The following LOC400499 variants were observed in gnomAD, a reference collection of about 807,000 sequenced individuals.
chr16:11,462,090 G>C, the LOC400499 span: 26 of 1,454,294 alleles, frequency 1.8e-5, no homozygotes, highest in Admixed American at 2.4e-5. Flanking sequence ...ACAGAGCAGA[G>C]GGGACAGAAG....
chr16:11,479,879 A>G, the LOC400499 span, among the ~76,000 whole-genome samples: 1 of 152,082 alleles, frequency 6.6e-6, no homozygotes, highest in Admixed American at 6.5e-5. Context: ...TCGTTGCTGT[A>G]TCCCCCTGGT....
the LOC400499 span, among the ~76,000 whole-genome samples, chr16:11,434,802 C>G: frequency 6.6e-6 from 1 of 152,116 alleles, no homozygotes; most frequent in African/African-American, 2.4e-5. Context: ...CCAGAGGCAG[C>G]CGTGGCCGAG....
chr16:11,417,418 G>T, the LOC400499 span, among the ~76,000 whole-genome samples: 51 of 152,212 alleles, frequency 3.4e-4, no homozygotes, highest in South Asian at 0.01. Flanking sequence ...GCCATCCAGT[G>T]TGTGGGACTT....
chr16:11,439,604 G>T, the LOC400499 span: 2 of 399,002 alleles, frequency 5.0e-6, no homozygotes, highest in African/African-American at 4.1e-5. Context: ...GAGTTGAAGA[G>T]GGGTCAGAGG....
the LOC400499 span, among the ~76,000 whole-genome samples, chr16:11,513,446 T>C: frequency 1.3e-5 from 2 of 151,762 alleles, no homozygotes; most frequent in Non-Finnish European, 2.9e-5. Flanking sequence ...TTTATTTATT[T>C]ATTGAGATGG....
At chr16:11,486,664 TGGGTAGGTGGATGGG>T in the LOC400499 span, among the ~76,000 whole-genome samples, 1 of 72,174 alleles carries the variant, frequency 1.4e-5, no homozygotes, top group Non-Finnish European at 2.7e-5. Context: ...GGATGATGGG[TGGGTAGGTGGATGGG>T]TGGATGAATG....
chr16:11,488,510 C>T, the LOC400499 span, among the ~76,000 whole-genome samples: 14 of 152,158 alleles, frequency 9.2e-5, no homozygotes, highest in Non-Finnish European at 1.3e-4. Context: ...GACTTGACCT[C>T]CTGGGCTCAA....
the LOC400499 span, chr16:11,435,968 G>A: frequency 5.0e-6 from 2 of 398,154 alleles, no homozygotes; most frequent in Non-Finnish European, 8.8e-6. Context: ...GCCCTCCTGA[G>A]CCACTCCAAC....
the LOC400499 span, among the ~76,000 whole-genome samples, chr16:11,377,554 T>G: frequency 1.3e-5 from 2 of 152,252 alleles, no homozygotes; most frequent in African/African-American, 4.8e-5. Flanking sequence ...TTTTCTTCAC[T>G]AACTGAAATA....
chr16:11,384,169 C>G, the LOC400499 span: 1 of 1,218,444 alleles, frequency 8.2e-7, no homozygotes, highest in Non-Finnish European at 1.0e-6. Context: ...GTGAGCAGCC[C>G]TCAAGAACCT....
the LOC400499 span, among the ~76,000 whole-genome samples, chr16:11,418,936 C>T: frequency 6.8e-4 from 104 of 152,264 alleles, 1 homozygote; most frequent in South Asian, 8.9e-3. Flanking sequence ...GAGGCAAAGG[C>T]GGACAGATCA....
the LOC400499 span, chr16:11,469,270 A>G: frequency 2.5e-6 from 1 of 399,132 alleles, no homozygotes; most frequent in African/African-American, 2.1e-5. Context: ...GGTGCAAAAC[A>G]AGAGTTTAGA....
chr16:11,401,469 C>G, the LOC400499 span: 1 of 399,210 alleles, frequency 2.5e-6, no homozygotes, highest in African/African-American at 2.1e-5. Context: ...CTTTCCCACC[C>G]GCACAGACCA....
the LOC400499 span, among the ~76,000 whole-genome samples, chr16:11,520,420 G>A: frequency 6.6e-6 from 1 of 152,160 alleles, no homozygotes; most frequent in African/African-American, 2.4e-5. Context: ...ACTTTGGGAG[G>A]CCGAGGTGGG....
the LOC400499 span, among the ~76,000 whole-genome samples, chr16:11,504,480 G>C: frequency 6.6e-6 from 1 of 152,098 alleles, no homozygotes; most frequent in Non-Finnish European, 1.5e-5. Context: ...ACTTGAACCA[G>C]GAGGTGGAGT....
the LOC400499 span, among the ~76,000 whole-genome samples, chr16:11,375,259 T>C: frequency 0.54 from 76,087 of 141,202 alleles, 25,068 homozygotes; most frequent in Non-Finnish European, 0.61. Flanking sequence ...ACACTTGTTA[T>C]TTTCTGTATT....
chr16:11,433,519 T>A, the LOC400499 span, among the ~76,000 whole-genome samples: 1 of 152,222 alleles, frequency 6.6e-6, no homozygotes, highest in Non-Finnish European at 1.5e-5. Context: ...TCCCTAATCC[T>A]TGACACAGAG....
At chr16:11,407,690 T>C in the LOC400499 span, among the ~76,000 whole-genome samples, 1 of 152,220 alleles carries the variant, frequency 6.6e-6, no homozygotes, top group Non-Finnish European at 1.5e-5. Context: ...CCTGGGTGCG[T>C]GTCAGCATCA....
chr16:11,464,659 T>G, the LOC400499 span, among the ~76,000 whole-genome samples: 1 of 152,226 alleles, frequency 6.6e-6, no homozygotes, highest in African/African-American at 2.4e-5. Context: ...TACAGAGGAC[T>G]TGAAGGGGGG....
Sources: allele counts gnomAD v4.1 joint callset (sites outside exome capture counted in the v4.1 genomes callset), GRCh38; gene constraint gnomAD v4.1.1; transcripts MANE v1.5.